Variants in GJC1 observed in about 807,000 individuals in gnomAD.
GJC1 encodes gap junction protein gamma 1.
A neutral mutation model predicts 29.3 loss-of-function variants in GJC1; 5 were observed. The observed-to-expected ratio is 0.17, with a 90% CI of 0.09 to 0.36. The LOEUF is 0.36. Among genes scored for constraint, GJC1 ranks in the 10% least tolerant of loss-of-function variants. The pLI, the probability that GJC1 is intolerant of heterozygous loss-of-function variation, is 1.00. For synonymous variants in GJC1, 177 were observed against 183.3 expected (o/e 0.97, Z 0.28); for missense variants, 310 against 496.2 (o/e 0.62, Z 3.56).
Position 44,804,558 on chromosome 17 carries a change from G to C in GJC1, c.*69C>G. On this transcript the variant is annotated 3_prime_UTR_variant, in exon 3 of 3. Transcript: ENST00000592524. ...ACCAGAGCCAAATGTTTACTCAATGGAAGTCATTATTCAGTGAGCTGCTGC... is the reference window on the plus strand; with the variant it reads ...ACCAGAGCCAAATGTTTACTCAATGCAAGTCATTATTCAGTGAGCTGCTGC... The C allele has an allele frequency of 8.5e-7, 1 of 1,181,806 alleles. No individual in the cohort carries two copies. The highest frequency in any genetic ancestry group is 1.2e-6 in the Non-Finnish European group (1 of 817,548). The allele number at this position is 1,181,806 out of a possible 1,614,324, so 73.2% of individuals were successfully genotyped here.
In GJC1 at chr17:44,805,251, C is replaced by T. The variant is rs1374702099; in HGVS notation, c.567G>A (p.Val189=). Residue 189 remains valine, a synonymous_variant, in exon 3 of 3, where the codon GTG becomes GTA. Transcript: ENST00000592524. The surrounding 1 kb of genome is among the most constrained non-coding windows in gnomAD (Gnocchi z 5.1). ...GAAAATACTGCCCTATCAGAAAACC[C>T]ACCTCAAACACGGTCCTTGCCAGCA... ...LQLLARTVFE[V]GFLIGQYFLY... is the part of the protein sequence containing the mutation. 1.2e-6 allele frequency: 2 copies of T among 1,614,160 alleles called. No individual in the cohort carries two copies. The highest frequency in any genetic ancestry group is 1.1e-5 in the South Asian group (1 of 91,078).
chr17:44,826,883 A>G (rs2145375405), intron 1 of GJC1, among the ~76,000 whole-genome samples: 1 of 152,356 alleles, frequency 6.6e-6, no homozygotes, highest in East Asian at 1.9e-4. Context: ...CTGTAGCAGT[A>G]TGTTGAAAAA....
At chr17:44,825,421 G>A (rs558319653) in intron 1 of GJC1, among the ~76,000 whole-genome samples, 2 of 152,088 alleles carry the variant, frequency 1.3e-5, no homozygotes, top group South Asian at 4.1e-4. Flanking sequence ...AGGGGGCAGA[G>A]GTTGCGGTGA....
rs2049834274 is a variant in GJC1 at position 44,800,763 on chromosome 17, A to G, written c.*3864T>C. On this transcript the variant is annotated 3_prime_UTR_variant, in exon 3 of 3. Coordinates refer to ENST00000592524, the MANE Select transcript of GJC1 (RefSeq NM_005497.4). ...AAGCGCCAAGTTCAAACAAGTGACC[A>G]ATAATAATGGTTGGTCCTTGAAGGT... 1 of 152,164 alleles carries G rather than the reference A, an allele frequency of 6.6e-6. No homozygotes were observed. The highest frequency in any genetic ancestry group is 6.5e-5 in the Admixed American group (1 of 15,270). 9.4% of individuals were successfully genotyped at this position (152,164 alleles called of 1,614,324 possible). A position where few individuals can be genotyped will look rare whatever the true frequency, so the allele number is the denominator to read the frequency against.
chr17:44,819,589 C>T (rs560102112), intron 1 of GJC1, among the ~76,000 whole-genome samples: 1 of 151,788 alleles, frequency 6.6e-6, no homozygotes, highest in Non-Finnish European at 1.5e-5. Flanking sequence ...ACCCAGGAGG[C>T]AGAGCTTGCA....
rs2049832524 is a variant in GJC1, at chr17:44,800,616, A to G, written c.*4011T>C. On this transcript the variant is annotated 3_prime_UTR_variant, in exon 3 of 3. Transcript: ENST00000592524. Reference sequence around the variant, plus strand: ...GGACTTGTAGAAGCTGAACGAGTAAATCATGAGTGTAACTGATAACATGTA... The same window carrying G: ...GGACTTGTAGAAGCTGAACGAGTAAGTCATGAGTGTAACTGATAACATGTA... 6.6e-6 allele frequency: 1 copy of G among 152,178 alleles called. No homozygotes were observed. The highest frequency in any genetic ancestry group is 1.9e-4 in the East Asian group (1 of 5,182). 9.4% of individuals were successfully genotyped at this position (152,178 alleles called of 1,614,324 possible).
Position 44,805,097 on chromosome 17 carries a change from G to T in GJC1, c.721C>A (p.Leu241Ile). The T allele has an allele frequency of 6.2e-7, 1 of 1,614,016 alleles. No individual in the cohort carries two copies. Among genetic ancestry groups the T allele is most frequent in the Non-Finnish European group, 8.5e-7 (1 of 1,179,940 alleles). The change falls in exon 3 of 3, where the codon CTT (leucine) becomes ATT (isoleucine). Residue 241 changes from leucine (L) to isoleucine (I), a missense_variant. By Grantham distance (5) the Leu-to-Ile change is conservative (BLOSUM62 2). Coordinates refer to ENST00000592524, the MANE Select transcript of GJC1 (RefSeq NM_005497.4). The surrounding 1 kb of genome is among the most constrained non-coding windows in gnomAD (Gnocchi z 5.1). ...FLLIMYGVTG[L>I]CLLLNIWEML... ...TCCCAAATGTTAAGCAAGAGGCAAA[G>T]GCCTGTAACACCATACATTATCAGA... is the stretch of plus-strand genomic sequence containing the variant.
chr17:44,807,907 T>C (rs1432268643), intron 1 of GJC1: 1 of 152,218 alleles, frequency 6.6e-6, no homozygotes. Flanking sequence ...AGGAGCAAGC[T>C]GTTTAGCTAA....
At position 44,830,200 on chromosome 17, in the gene GJC1, T is replaced by G. The variant is rs2050216798; in HGVS notation, c.-235A>C. ...CTCCTCCGCCGCTGCCGCCTTCGCC[T>G]CAGTCTCCAGCCGAGGCAGAAGCCG... On this transcript the variant is annotated 5_prime_UTR_variant, in exon 1 of 3. Coordinates refer to ENST00000592524, the MANE Select transcript of GJC1 (RefSeq NM_005497.4). The surrounding 1 kb of genome is among the most constrained non-coding windows in gnomAD (Gnocchi z 4.3). 2 of 155,610 alleles carry G rather than the reference T, an allele frequency of 1.3e-5. No individual in the cohort carries two copies. Among genetic ancestry groups the G allele is most frequent in the African/African-American group, 2.4e-5 (1 of 41,242 alleles). 9.6% of individuals were successfully genotyped at this position (155,610 alleles called of 1,614,324 possible). A position where few individuals can be genotyped will look rare whatever the true frequency, so the allele number is the denominator to read the frequency against.
rs1036664490 is a variant in GJC1, at chr17:44,804,476, C to A, written c.*151G>T. The A allele has an allele frequency of 2.1e-5, 13 of 632,486 alleles. No individual in the cohort carries two copies. The highest frequency in any genetic ancestry group is 2.8e-5 in the Non-Finnish European group (10 of 361,274). 39.2% of individuals were successfully genotyped at this position (632,486 alleles called of 1,614,324 possible). On this transcript the variant is annotated 3_prime_UTR_variant, in exon 3 of 3. Coordinates refer to ENST00000592524, the MANE Select transcript of GJC1 (RefSeq NM_005497.4). Reference sequence around the variant, plus strand: ...TTTCCCTTTCTCTCCCTCAGCCCAGCCCCGCCTCCAGAGTCCCCTGAGCTT... The same window carrying A: ...TTTCCCTTTCTCTCCCTCAGCCCAGACCCGCCTCCAGAGTCCCCTGAGCTT...
intron 1 of GJC1, among the ~76,000 whole-genome samples, chr17:44,823,123 T>C (rs1384244903): frequency 6.6e-6 from 1 of 152,098 alleles, no homozygotes; most frequent in African/African-American, 2.4e-5. Context: ...ATAATCTCTA[T>C]AACTATTGGG....
chr17:44,811,820 A>G (rs969281844), intron 1 of GJC1, among the ~76,000 whole-genome samples: 1 of 151,810 alleles, frequency 6.6e-6, no homozygotes, highest in African/African-American at 2.4e-5. Context: ...CCTAGCTAAC[A>G]TGGTGAAACC....
chr17:44,825,384 G>C (rs2050162483), intron 1 of GJC1, among the ~76,000 whole-genome samples: 1 of 151,884 alleles, frequency 6.6e-6, no homozygotes, highest in East Asian at 1.9e-4. Flanking sequence ...CAGCTACTTG[G>C]GAGGCTGAGG....
rs1352215887 is a variant in GJC1 at position 44,804,066 on chromosome 17, T to C, written c.*561A>G. On this transcript the variant is annotated 3_prime_UTR_variant, in exon 3 of 3. Transcript: ENST00000592524. ...CTACTGTGAACTTGCTTTCCAAGACTAAAAACTGGTATCTCCTCTTCAGTC... is the reference window on the plus strand; with the variant it reads ...CTACTGTGAACTTGCTTTCCAAGACCAAAAACTGGTATCTCCTCTTCAGTC... The C allele has an allele frequency of 6.6e-6, 1 of 152,178 alleles. No individual in the cohort carries two copies. The highest frequency in any genetic ancestry group is 1.5e-5 in the Non-Finnish European group (1 of 68,050). The allele number at this position is 152,178 out of a possible 1,614,324, so 9.4% of individuals were successfully genotyped here.
chr17:44,830,966 G>A (rs1339962279), upstream of GJC1: 7 of 360,918 alleles, frequency 1.9e-5, no homozygotes, highest in Admixed American at 3.3e-4. This position sits in a 1 kb window ranked among gnomAD's most constrained non-coding sequence, Gnocchi z 4.3. Context: ...TGCCCAGTAG[G>A]AAACCGAAAA....
At chr17:44,821,697 C>CAAAAAAAAAAAAAAAAAAAA (rs61303163) in intron 1 of GJC1, among the ~76,000 whole-genome samples, 3 of 58,356 alleles carry the variant, frequency 5.1e-5, no homozygotes, top group African/African-American at 7.8e-5. Flanking sequence ...AACTCCGTCT[C>CAAAAAAAAAAAAAAAAAAAA]AAAAAAAAAA....
At position 44,811,507 on chromosome 17, in the gene GJC1, C is replaced by T. The variant is rs535606464; in HGVS notation, c.-96-4038G>A. On this transcript the variant is annotated intron_variant, in intron 1 of 2. Coordinates refer to ENST00000592524, the MANE Select transcript of GJC1 (RefSeq NM_005497.4). ...GTTCAGGTGATCCTCTCACCTCAGC[C>T]TCCCAAATACCTGAGACTACAGTTG... 5.9e-5 allele frequency among the ~76,000 whole-genome samples: 9 copies of T among 151,888 alleles called. No individual in the cohort carries two copies. The South Asian group carries it at 1.2e-3, about 21-fold the overall frequency.
intron 1 of GJC1, among the ~76,000 whole-genome samples, chr17:44,827,592 G>C (rs2050189938): frequency 6.6e-6 from 1 of 151,976 alleles, no homozygotes; most frequent in South Asian, 2.1e-4. Context: ...GGAATTTGAG[G>C]CTGCAGTGTA....
chr17:44,825,229 G>T (rs1372429728), intron 1 of GJC1, among the ~76,000 whole-genome samples: 1 of 144,024 alleles, frequency 6.9e-6, no homozygotes, highest in Non-Finnish European at 1.5e-5. Context: ...GCTGGGCGCA[G>T]TGGCTCATGC....
Sources: allele counts gnomAD v4.1 joint callset (sites outside exome capture counted in the v4.1 genomes callset), GRCh38; gene constraint gnomAD v4.1.1; non-coding constraint Gnocchi (gnomAD v3.1); transcripts MANE v1.5; gene names NCBI Gene and HGNC (gene_info 2026-07-23, HGNC 2026-07-21).